Variants in CDH2 observed in about 807,000 individuals in gnomAD.
The protein encoded by CDH2 is cadherin 2, also known as cadherin-2.
CDH2 carries 17 observed loss-of-function variants against 92.0 expected under a neutral mutation model. The ratio of observed to expected loss-of-function variants is 0.18; its 90% CI spans 0.13 to 0.28. The LOEUF (loss-of-function observed/expected upper bound fraction) is 0.28. Ranked by LOEUF, CDH2 falls within the 10% of genes least tolerant of loss-of-function variation. The pLI is 1.00. For missense variants in CDH2, 862 were observed against 1,133.1 expected (o/e 0.76, Z 3.44); for synonymous variants, 419 against 415.9 (o/e 1.01, Z -0.09).
At chr18:28,094,792 TAA>T (rs35744873) in intron 2 of CDH2, among the ~76,000 whole-genome samples, 155 of 82,370 alleles carry the variant, frequency 1.9e-3, no homozygotes, top group African/African-American at 7.1e-3. Context: ...AGACTCTGTC[TAA>T]AAAAAAAAAA....
At chr18:28,077,365 A>T (rs2014740565) in intron 2 of CDH2, among the ~76,000 whole-genome samples, 1 of 152,210 alleles carries the variant, frequency 6.6e-6, no homozygotes, top group Admixed American at 6.5e-5. Context: ...ACAAAGGAAG[A>T]TGTTACCGGA....
At chr18:28,118,757 T>G (rs931377847) in intron 2 of CDH2, among the ~76,000 whole-genome samples, 2 of 152,066 alleles carry the variant, frequency 1.3e-5, no homozygotes, top group Admixed American at 6.6e-5. Flanking sequence ...CCACTAATTT[T>G]ATATCAAAAC....
chr18:28,114,736 T>C (rs1599111061), intron 2 of CDH2, among the ~76,000 whole-genome samples: 1 of 152,114 alleles, frequency 6.6e-6, no homozygotes, highest in East Asian at 1.9e-4. Flanking sequence ...ATGAGAGATT[T>C]TAGTTATAGG....
intron 15 of CDH2, among the ~76,000 whole-genome samples, chr18:27,959,902 C>T (rs138300642): frequency 7.9e-5 from 12 of 152,036 alleles, no homozygotes; most frequent in Middle Eastern, 3.4e-3. Context: ...GTAATCCCAG[C>T]GCTTTGGAAG....
chr18:28,164,675 C>A (rs1390381275), intron 1 of CDH2, among the ~76,000 whole-genome samples: 1 of 152,114 alleles, frequency 6.6e-6, no homozygotes. Flanking sequence ...GACACACACA[C>A]ACACATACTC....
At chr18:27,981,592 G>A (rs1024507985) in intron 14 of CDH2, among the ~76,000 whole-genome samples, 1 of 152,116 alleles carries the variant, frequency 6.6e-6, no homozygotes. Context: ...AGTAAATCAT[G>A]CAACTTTTTT....
intron 2 of CDH2, among the ~76,000 whole-genome samples, chr18:28,111,187 G>A (rs2015406517): frequency 6.6e-6 from 1 of 152,160 alleles, no homozygotes; most frequent in East Asian, 1.9e-4. Context: ...GAAAACAACA[G>A]AGGAGGACTT....
At chr18:28,109,961 A>G (rs1429593823) in intron 2 of CDH2, among the ~76,000 whole-genome samples, 1 of 152,206 alleles carries the variant, frequency 6.6e-6, no homozygotes, top group African/African-American at 2.4e-5. Flanking sequence ...AAGAATGTAC[A>G]TACCATACTT....
At chr18:28,126,800 G>A (rs2015684647) in intron 2 of CDH2, among the ~76,000 whole-genome samples, 1 of 152,200 alleles carries the variant, frequency 6.6e-6, no homozygotes, top group African/African-American at 2.4e-5. Flanking sequence ...TATCGGTCTG[G>A]TGGGGAAAAG....
intron 10 of CDH2, among the ~76,000 whole-genome samples, chr18:27,989,051 G>T (rs558969874): frequency 6.6e-6 from 1 of 152,160 alleles, no homozygotes. Context: ...GGAGTTAAGA[G>T]AAATTATAAT....
At chr18:28,160,587 A>C (rs887224399) in intron 1 of CDH2, among the ~76,000 whole-genome samples, 14 of 152,172 alleles carry the variant, frequency 9.2e-5, no homozygotes, top group Non-Finnish European at 1.6e-4. Flanking sequence ...AGTGAACAAG[A>C]AATCTTCCCT....
chr18:28,061,744 G>A (rs2014406303), intron 2 of CDH2, among the ~76,000 whole-genome samples: 1 of 152,178 alleles, frequency 6.6e-6, no homozygotes. Context: ...CATGGCTGGG[G>A]AGGACTCACA....
rs75338092 is a variant in CDH2, at chr18:27,945,181, C to T, written c.1152-12057G>A. 6.9e-3 allele frequency among the ~76,000 whole-genome samples: 1,053 copies of T among 151,910 alleles called. 12 individuals are homozygous for T. The highest frequency in any genetic ancestry group is 0.024 in the African/African-American group (1,013 of 41,416). ...GTGTGAGTTCTTACTACAAACCTTA[C>T]AGAAGTACTGACGATCAATGAAAAA... On this transcript the variant is annotated intron_variant, in intron 6 of 6. Transcript: ENST00000675173.
intron 14 of CDH2, among the ~76,000 whole-genome samples, chr18:27,981,658 T>C (rs980178677): frequency 2.6e-5 from 4 of 152,176 alleles, no homozygotes; most frequent in Admixed American, 2.0e-4. Context: ...CAATAATGGA[T>C]GTAAATGTGC....
chr18:28,007,722 G>A (rs2012981184), intron 5 of CDH2, among the ~76,000 whole-genome samples: 1 of 151,262 alleles, frequency 6.6e-6, no homozygotes, highest in South Asian at 2.1e-4. Context: ...GGGTTTTTTT[G>A]TTTTTGTTTT....
chr18:28,144,126 G>C (rs1011551526), intron 2 of CDH2, among the ~76,000 whole-genome samples: 3 of 151,310 alleles, frequency 2.0e-5, no homozygotes, highest in African/African-American at 7.3e-5. Flanking sequence ...TAACAAACCT[G>C]CACGTTCTGC....
At chr18:28,030,161 T>C (rs1452573418) in intron 2 of CDH2, among the ~76,000 whole-genome samples, 1 of 152,108 alleles carries the variant, frequency 6.6e-6, no homozygotes, top group African/African-American at 2.4e-5. Context: ...CAAGATAATA[T>C]GTTAAAAATC....
intron 2 of CDH2, among the ~76,000 whole-genome samples, chr18:28,092,628 C>G (rs772890248): frequency 1.3e-5 from 2 of 151,616 alleles, no homozygotes; most frequent in Non-Finnish European, 2.9e-5. Context: ...TTAACATATA[C>G]TATTATTTTA....
chr18:27,978,312 G>C (rs1234829323), intron 14 of CDH2, among the ~76,000 whole-genome samples: 3 of 152,124 alleles, frequency 2.0e-5, no homozygotes, highest in Non-Finnish European at 4.4e-5. Flanking sequence ...ACACTAGAAA[G>C]CTACAGTAAT....
Sources: gnomAD v4.1 joint callset for allele counts (sites outside exome capture counted in the v4.1 genomes callset) on GRCh38, gnomAD v4.1.1 for gene constraint, MANE v1.5 for transcripts, NCBI Gene and HGNC (gene_info 2026-07-23, HGNC 2026-07-21) for gene names.